The following LRP6 variants were observed in gnomAD, a reference collection of about 807,000 sequenced individuals.
LRP6 encodes the protein low-density lipoprotein receptor-related protein 6.
LRP6 carries 43 observed loss-of-function variants against 184.1 expected under a neutral mutation model. The ratio of observed to expected loss-of-function variants is 0.23; its 90% CI spans 0.18 to 0.30. The LOEUF (loss-of-function observed/expected upper bound fraction) is 0.30. Among genes scored for constraint, LRP6 ranks in the 10% least tolerant of loss-of-function variants. The probability of loss-of-function intolerance (pLI) is 1.00; values close to 1 mark genes in which losing one functional copy is unlikely to be tolerated. For synonymous variants in LRP6, 719 were observed against 684.9 expected, an observed-to-expected ratio of 1.05 and a Z score of -0.78; for missense variants, 1,571 against 2,005.3, an observed-to-expected ratio of 0.78 and a Z score of 4.14.
chr12:12,230,177 T>G lies in LRP6; in HGVS notation c.449+14085A>C, dbSNP rs370054449. Among the ~76,000 whole-genome samples, 5 of 152,194 alleles carry G rather than the reference T, an allele frequency of 3.3e-5. No individual in the cohort carries two copies. The East Asian group carries it at 7.7e-4, about 23-fold the overall frequency. ...AAGCAAGTAAACATATATTAAGTTT[T>G]CAAGATGTCACAATTTCTTATGCCA... On this transcript the variant is annotated intron_variant, in intron 2 of 22. Transcript: ENST00000261349.
intron 17 of LRP6, among the ~76,000 whole-genome samples, chr12:12,133,022 T>C (rs143532285): frequency 6.6e-6 from 1 of 152,312 alleles, no homozygotes; most frequent in African/African-American, 2.4e-5. Context: ...ATATTGCAGA[T>C]TACAGGTGAA....
At chr12:12,151,663 C>T in intron 12 of LRP6, among the ~76,000 whole-genome samples, 1 of 151,978 alleles carries the variant, frequency 6.6e-6, no homozygotes, top group East Asian at 1.9e-4. Context: ...AACTGTAAGG[C>T]ACTATATAAA....
intron 2 of LRP6, among the ~76,000 whole-genome samples, chr12:12,215,044 T>C (rs1047875554): frequency 6.6e-6 from 1 of 152,214 alleles, no homozygotes; most frequent in African/African-American, 2.4e-5. Context: ...GGTTTGAGAC[T>C]GAGTTCTCAT....
At chr12:12,266,576 T>C (rs1481068430) in intron 1 of LRP6, 105 bp downstream of exon 1, 14 of 716,206 alleles carry the variant, frequency 2.0e-5, no homozygotes, top group Middle Eastern at 2.7e-4. Flanking sequence ...TCCCCGCTCC[T>C]CTCCCCTTCT....
Position 12,120,685 on chromosome 12 carries a change from G to C in LRP6, c.*441C>G, listed in dbSNP as rs1213423617. ...ATGTTAGTTAACTGAAGGCTATCTG[G>C]CTACATCCATGTATCTATGGTTTGC... On this transcript the variant is annotated 3_prime_UTR_variant, in exon 23 of 23. Transcript: ENST00000261349. 1 of 153,344 alleles carries C rather than the reference G, an allele frequency of 6.5e-6. No individual in the cohort carries two copies. Among genetic ancestry groups the C allele is most frequent in the East Asian group, 1.9e-4 (1 of 5,210 alleles). The allele number at this position is 153,344 out of a possible 1,614,324, so 9.5% of individuals were successfully genotyped here.
chr12:12,153,395 A>C (rs1471147606), intron 12 of LRP6, among the ~76,000 whole-genome samples: 1 of 152,140 alleles, frequency 6.6e-6, no homozygotes, highest in African/African-American at 2.4e-5. Context: ...CAATTAATCA[A>C]ATATATATTT....
chr12:12,199,298 A>C (rs1462751018), intron 3 of LRP6, among the ~76,000 whole-genome samples: 1 of 152,188 alleles, frequency 6.6e-6, no homozygotes, highest in East Asian at 1.9e-4. Context: ...CAGCTCTGTC[A>C]ACTAGGCAAT....
At position 12,183,087 on chromosome 12, in the gene LRP6, G is replaced by A. The variant is rs1445505877; in HGVS notation, c.976+893C>T. Among the ~76,000 whole-genome samples the A allele has an allele frequency of 3.9e-5, 6 of 152,212 alleles. No individual in the cohort carries two copies. In the East Asian group the frequency reaches 9.6e-4, roughly 24 times the overall value. On this transcript the variant is annotated intron_variant, in intron 5 of 22. Transcript: ENST00000261349. The stretch of plus-strand genomic sequence containing the variant: ...GTCAGCCAGCTTCACCTTTTACTAT[G>A]AGGATAATTTATCAATGCCAAGTCA...
intron 15 of LRP6, among the ~76,000 whole-genome samples, chr12:12,146,890 C>T (rs983939990): frequency 2.0e-5 from 3 of 152,334 alleles, no homozygotes; most frequent in South Asian, 2.1e-4. Flanking sequence ...CGGTGGCTTA[C>T]GCCTGTAATC....
intron 3 of LRP6, among the ~76,000 whole-genome samples, chr12:12,195,080 C>T (rs978957604): frequency 5.9e-5 from 9 of 152,072 alleles, no homozygotes; most frequent in African/African-American, 1.9e-4. Flanking sequence ...ATATATACCA[C>T]ATTTTCTTTA....
At chr12:12,139,080 G>A (rs1306681926) in intron 15 of LRP6, 13 of 1,129,524 alleles carry the variant, frequency 1.2e-5, no homozygotes, top group African/African-American at 1.6e-5. Flanking sequence ...TTATACAGTG[G>A]GCTAAAATCT....
intron 12 of LRP6, among the ~76,000 whole-genome samples, chr12:12,153,804 G>A (rs527302673): frequency 6.6e-6 from 1 of 152,316 alleles, no homozygotes; most frequent in South Asian, 2.1e-4. Flanking sequence ...CATCAGAGAA[G>A]CTGGAGGATG....
chr12:12,165,203 G>A lies in LRP6; in HGVS notation c.1638C>T (p.Tyr546=), dbSNP rs1317181835. 1.9e-6 allele frequency: 3 copies of A among 1,613,904 alleles called. No homozygotes were observed. The highest frequency in any genetic ancestry group is 2.5e-6 in the Non-Finnish European group (3 of 1,179,952). The change falls in exon 8 of 23, where the codon TAC becomes TAT. Residue 546 remains tyrosine (Y), a synonymous_variant. Coordinates refer to ENST00000261349, the MANE Select transcript of LRP6 (RefSeq NM_002336.3). ...FGFTLLGDYV[Y]WTDWQRRSIE... Reference sequence around the variant, plus strand: ...TGCTACGCCTCTGCCAGTCAGTCCAGTAAACATAGTCACCCAACAAAGTAA... The same window carrying A: ...TGCTACGCCTCTGCCAGTCAGTCCAATAAACATAGTCACCCAACAAAGTAA...
intron 3 of LRP6, among the ~76,000 whole-genome samples, chr12:12,198,251 G>A (rs1863819289): frequency 6.6e-6 from 1 of 152,082 alleles, no homozygotes; most frequent in Non-Finnish European, 1.5e-5. Flanking sequence ...TTCTATAGTT[G>A]TTCATAGTTG....
chr12:12,235,960 T>C (rs573567634), intron 2 of LRP6, among the ~76,000 whole-genome samples: 1 of 151,988 alleles, frequency 6.6e-6, no homozygotes, highest in Admixed American at 6.6e-5. Flanking sequence ...ACGCGGTGGC[T>C]CACGCCTGTA....
At chr12:12,183,949 A>C in intron 5 of LRP6, 31 bp downstream of exon 5, 1 of 1,603,082 alleles carries the variant, frequency 6.2e-7, no homozygotes, top group African/African-American at 1.3e-5. Flanking sequence ...AATAGTTATA[A>C]AATTTTTCAT....
intron 12 of LRP6, among the ~76,000 whole-genome samples, chr12:12,156,359 A>G (rs1862579059): frequency 6.6e-6 from 1 of 152,222 alleles, no homozygotes; most frequent in Non-Finnish European, 1.5e-5. Flanking sequence ...CAACGAGGCC[A>G]GTGTGGCTGT....
At chr12:12,179,348 TTAACA>T (rs2136985944) in intron 7 of LRP6, among the ~76,000 whole-genome samples, 1 of 148,936 alleles carries the variant, frequency 6.7e-6, no homozygotes, top group African/African-American at 2.6e-5. Context: ...CCAACACCAG[TTAACA>T]GCAATAAAAG....
At chr12:12,254,151 AAAAAAAAAAAAAAAG>A (rs1206401303) in intron 1 of LRP6, among the ~76,000 whole-genome samples, 2 of 148,804 alleles carry the variant, frequency 1.3e-5, no homozygotes, top group Non-Finnish European at 3.0e-5. Context: ...CTCAAAAAAA[AAAAAAAAAAAAAAAG>A]AAAGAAAGAA....
Sources: gnomAD v4.1 joint callset for allele counts (sites outside exome capture counted in the v4.1 genomes callset) on GRCh38, gnomAD v4.1.1 for gene constraint, MANE v1.5 for transcripts, NCBI Gene and HGNC (gene_info 2026-07-23, HGNC 2026-07-21) for gene names.